The following TMEM191C variants were observed in gnomAD, a reference collection of about 807,000 sequenced individuals.
TMEM191C encodes KB-1323B2.6.
In TMEM191C, 26 loss-of-function variants were observed where a neutral mutation model predicts 37.1. The observed-to-expected ratio is 0.70, with a 90% CI of 0.51 to 0.97. TMEM191C has a LOEUF of 0.97. Ranked by LOEUF, TMEM191C falls within the 50% of genes least tolerant of loss-of-function variation. The pLI is 0.00. For missense variants in TMEM191C, 240 were observed against 294.7 expected, an observed-to-expected ratio of 0.81 and a Z score of 1.36; for synonymous variants, 115 against 143.7, an observed-to-expected ratio of 0.80 and a Z score of 1.43.
chr22:21,469,400 C>T (rs1405113402), intron 8 of TMEM191C, 54 bp downstream of exon 8: 3 of 1,297,504 alleles, frequency 2.3e-6, no homozygotes, highest in East Asian at 6.5e-5. Flanking sequence ...CAACCCTCCC[C>T]GTCCCCCCCG....
At position 21,467,958 on chromosome 22, in the gene TMEM191C, G is replaced by A. The variant is rs1924584244; in HGVS notation, c.220G>A (p.Glu74Lys). ...AGGGGAGGCGCGCGAGGCGGCGCGG[G>A]AGCGCGCGGAGCGGGTGCGCAGAAG... ...LQGEAREAAR[E>K]RAERVRRRLE... is the part of the protein sequence containing the mutation. The change falls in exon 2 of 10, where the codon GAG (glutamate) becomes AAG (lysine). Residue 74 changes from glutamate to lysine, a missense_variant. By Grantham distance (56) the Glu-to-Lys change is moderately conservative. Around this residue, in one of 3 missense-constraint regions of TMEM191C, gnomAD observed 130 missense variants for 105.7 expected, o/e 1.23. Coordinates refer to ENST00000536718, the MANE Select transcript of TMEM191C (RefSeq NM_001388354.1). The A allele has an allele frequency of 1.8e-6, 1 of 559,684 alleles. No homozygotes were observed. The highest frequency in any genetic ancestry group is 1.8e-5 in the South Asian group (1 of 55,170). 34.7% of individuals were successfully genotyped at this position (559,684 alleles called of 1,614,324 possible). A position where few individuals can be genotyped will look rare whatever the true frequency, so the allele number is the denominator to read the frequency against.
rs1226061717 is a variant in TMEM191C at position 21,469,479 on chromosome 22, C to G, written c.664-15C>G. On this transcript the variant is annotated splice_polypyrimidine_tract_variant and intron_variant, in intron 8 of 9. Transcript: ENST00000536718. The stretch of plus-strand genomic sequence containing the variant: ...GGGCGCGGAGGTAGCTGGATGCGGC[C>G]CTCTCTCCCCGCAGGAGACGCGGCT... 1 of 1,348,722 alleles carries G rather than the reference C, an allele frequency of 7.4e-7. No homozygotes were observed. The highest frequency in any genetic ancestry group is 9.5e-7 in the Non-Finnish European group (1 of 1,055,034). The allele number at this position is 1,348,722 out of a possible 1,614,324, so 83.5% of individuals were successfully genotyped here.
intron 3 of TMEM191C, 44 bp downstream of exon 3, chr22:21,468,246 G>A: frequency 6.5e-7 from 1 of 1,533,192 alleles, no homozygotes; most frequent in South Asian, 1.2e-5. Context: ...GTTCCTCTCG[G>A]AAGTCCTGCC....
In TMEM191C at chr22:21,467,408, C is replaced by G; in HGVS notation, c.-52C>G. On this transcript the variant is annotated 5_prime_UTR_variant, in exon 1 of 10. Transcript: ENST00000536718. ...TGCCGCCCATTGTGACGCCTGCCAG[C>G]CGCAGGCTGGGTCCCCGAGGCGGGC... 1 of 456,708 alleles carries G rather than the reference C, an allele frequency of 2.2e-6. No homozygotes were observed. The highest frequency in any genetic ancestry group is 3.7e-6 in the Non-Finnish European group (1 of 271,818). The allele number at this position is 456,708 out of a possible 1,614,324, so 28.3% of individuals were successfully genotyped here. A position where few individuals can be genotyped will look rare whatever the true frequency, so the allele number is the denominator to read the frequency against.
In TMEM191C at chr22:21,467,548, G is replaced by C. The variant is rs764784261; in HGVS notation, c.89G>C (p.Arg30Pro). The change falls in exon 1 of 10, where the codon CGC becomes CCC. Residue 30 changes from arginine to proline, a missense_variant. Physicochemically the swap from Arg to Pro is moderately radical, Grantham distance 103. This residue lies in a region of TMEM191C where 130 missense variants were observed against 105.7 expected (regional missense o/e 1.23). Coordinates refer to ENST00000536718, the MANE Select transcript of TMEM191C (RefSeq NM_001388354.1). ...QRKQELEKLM[R>P]GLEAESESLN... is the part of the protein sequence containing the mutation. ...AAGCAGGAGCTAGAGAAGCTGATGC[G>C]CGGGCTCGAGGCCGAGAGCGAGAGC... 4.1e-6 allele frequency: 6 copies of C among 1,470,824 alleles called. No individual in the cohort carries two copies. The South Asian group carries it at 6.4e-5, about 16-fold the overall frequency. 91.1% of individuals were successfully genotyped at this position (1,470,824 alleles called of 1,614,324 possible). A position where few individuals can be genotyped will look rare whatever the true frequency, so the allele number is the denominator to read the frequency against.
At position 21,467,901 on chromosome 22, in the gene TMEM191C, C is replaced by A. The variant is rs1924579660; in HGVS notation, c.163C>A (p.Arg55=). The stretch of plus-strand genomic sequence containing the variant: ...CTCAGTTTCCCTCTGCAGCCTGCTG[C>A]GGAGGCGAAGCCAGGCAGCGCAGCC... ...DLSERERSLL[R]RRSQAAQPLQ... Residue 55 remains arginine (R), a synonymous_variant, in exon 2 of 10, where the codon CGG becomes AGG. Transcript: ENST00000536718. 2.3e-5 allele frequency: 14 copies of A among 621,440 alleles called. No homozygotes were observed. The South Asian group carries it at 2.3e-4, about 10-fold the overall frequency. The allele number at this position is 621,440 out of a possible 1,614,324, so 38.5% of individuals were successfully genotyped here. A position where few individuals can be genotyped will look rare whatever the true frequency, so the allele number is the denominator to read the frequency against.
At chr22:21,469,559 G>C in intron 9 of TMEM191C, 25 bp downstream of exon 9, 1 of 1,404,946 alleles carries the variant, frequency 7.1e-7, no homozygotes, top group Non-Finnish European at 9.2e-7. Flanking sequence ...GGGCGCGGCC[G>C]CGGTCCCCCA....
chr22:21,469,834 G>A lies in TMEM191C; in HGVS notation c.*13G>A, dbSNP rs1451686827. The A allele has an allele frequency of 2.0e-6, 3 of 1,530,550 alleles. No homozygotes were observed. The highest frequency in any genetic ancestry group is 2.6e-6 in the Non-Finnish European group (3 of 1,145,552). 94.8% of individuals were successfully genotyped at this position (1,530,550 alleles called of 1,614,324 possible). ...TCTGCCAACCTAAGTGCAGCGCCCC[G>A]CGCCTGGCTCCAGGTGGACTCCAGG... is the stretch of plus-strand genomic sequence containing the variant. On this transcript the variant is annotated 3_prime_UTR_variant, in exon 10 of 10. Coordinates refer to ENST00000536718, the MANE Select transcript of TMEM191C (RefSeq NM_001388354.1).
At chr22:21,467,797 C>T (rs1023607449) in intron 1 of TMEM191C, 97 bp from the exon 2 acceptor site, 1 of 479,702 alleles carries the variant, frequency 2.1e-6, no homozygotes, top group African/African-American at 4.1e-5. Flanking sequence ...ACTTCCCAGT[C>T]CTCAATCATG....
At position 21,469,279 on chromosome 22, in the gene TMEM191C, A is replaced by C; in HGVS notation, c.596A>C (p.Asp199Ala). The change falls in exon 8 of 10, where the codon GAC becomes GCC. Residue 199 changes from aspartate to alanine, a missense_variant. Coordinates refer to ENST00000536718, the MANE Select transcript of TMEM191C (RefSeq NM_001388354.1). ...DAWQSGRELC[D>A]GQLRGVQYST... The stretch of plus-strand genomic sequence containing the variant: ...CTGCATGCCTGTCCCCGCAGGTGTG[A>C]CGGGCAGCTTCGCGGAGTGCAGTAC... 1 of 1,461,748 alleles carries C rather than the reference A, an allele frequency of 6.8e-7. No homozygotes were observed. Among genetic ancestry groups the C allele is most frequent in the Non-Finnish European group, 9.0e-7 (1 of 1,115,134 alleles). 90.5% of individuals were successfully genotyped at this position (1,461,748 alleles called of 1,614,324 possible).
intron 2 of TMEM191C, 58 bp downstream of exon 2, chr22:21,468,075 G>A (rs1924591610): frequency 8.5e-7 from 1 of 1,182,358 alleles, no homozygotes; most frequent in African/African-American, 3.0e-5. Context: ...AGGGCGGGCG[G>A]AAGGGGGCAG....
At chr22:21,467,672 C>G in intron 1 of TMEM191C, 58 bp downstream of exon 1, 2 of 1,251,196 alleles carry the variant, frequency 1.6e-6, no homozygotes, top group Non-Finnish European at 2.2e-6. Context: ...CCGCAGGCAG[C>G]GCCGCGAGGT....
Position 21,469,519 on chromosome 22 carries a change from G to C in TMEM191C, c.689G>C (p.Arg230Pro), listed in dbSNP as rs1384658103. 7 of 1,356,596 alleles carry C rather than the reference G, an allele frequency of 5.2e-6. No individual in the cohort carries two copies. The highest frequency in any genetic ancestry group is 6.6e-6 in the Non-Finnish European group (7 of 1,062,290). The allele number at this position is 1,356,596 out of a possible 1,614,324, so 84.0% of individuals were successfully genotyped here. ...DRETRLFGGP[R>P]ALAIRRCVLG... The stretch of plus-strand genomic sequence containing the variant: ...GAGACGCGGCTGTTCGGCGGCCCTC[G>C]CGCGCTGGCCATCAGGTGAGCCGGG... The change falls in exon 9 of 10, where the codon CGC becomes CCC. Residue 230 changes from arginine to proline, a missense_variant. Coordinates refer to ENST00000536718, the MANE Select transcript of TMEM191C (RefSeq NM_001388354.1).
chr22:21,468,426 C>G lies in TMEM191C; in HGVS notation c.403C>G (p.Leu135Val). 1 of 1,527,806 alleles carries G rather than the reference C, an allele frequency of 6.5e-7. No homozygotes were observed. The highest frequency in any genetic ancestry group is 2.5e-5 in the East Asian group (1 of 40,592). 94.6% of individuals were successfully genotyped at this position (1,527,806 alleles called of 1,614,324 possible). ...EQQLAAQLVTLQNELELAETK... is the reference protein window; with the variant it reads ...EQQLAAQLVTVQNELELAETK... The stretch of plus-strand genomic sequence containing the variant: ...GCAACTCGCAGCCCAATTGGTGACG[C>G]TGCAGGTGCTTGAGCGGGACCCTGA... The change falls in exon 4 of 10, where the codon CTG becomes GTG. Residue 135 changes from leucine to valine, a missense_variant. This residue lies in a region of TMEM191C where 34 missense variants were observed against 89.0 expected (regional missense o/e 0.38). Transcript: ENST00000536718.
chr22:21,469,635 G>T lies in TMEM191C; in HGVS notation c.723G>T (p.Ala241=), dbSNP rs1339346366. 1 of 1,482,670 alleles carries T rather than the reference G, an allele frequency of 6.7e-7. No individual in the cohort carries two copies. The highest frequency in any genetic ancestry group is 1.5e-5 in the African/African-American group (1 of 68,140). 91.8% of individuals were successfully genotyped at this position (1,482,670 alleles called of 1,614,324 possible). Residue 241 remains alanine, a synonymous_variant, in exon 10 of 10, where the codon GCG becomes GCT. Coordinates refer to ENST00000536718, the MANE Select transcript of TMEM191C (RefSeq NM_001388354.1). ...ALAIRRCVLG[A]LQVLLTLPLL... ...CCCGCAGGCGGTGCGTGCTGGGCGC[G>T]CTGCAGGTGCTGCTGACGCTGCCGC...
At position 21,468,225 on chromosome 22, in the gene TMEM191C, C is replaced by T. The variant is rs570816937; in HGVS notation, c.330+23C>T. 1.3e-4 allele frequency: 202 copies of T among 1,530,722 alleles called. No homozygotes were observed. In the South Asian group the frequency reaches 2.3e-3, roughly 18 times the overall value. The allele number at this position is 1,530,722 out of a possible 1,614,324, so 94.8% of individuals were successfully genotyped here. ...CAGGTACGTGCAGGAGATGGGAGGGCCTGTCTCTTGGTTCCTCTCGGAAGT... is the reference window on the plus strand; with the variant it reads ...CAGGTACGTGCAGGAGATGGGAGGGTCTGTCTCTTGGTTCCTCTCGGAAGT... On this transcript the variant is annotated intron_variant, in intron 3 of 9. Coordinates refer to ENST00000536718, the MANE Select transcript of TMEM191C (RefSeq NM_001388354.1).
chr22:21,468,275 G>A (rs1378359057), intron 3 of TMEM191C, 73 bp downstream of exon 3: 1 of 1,534,462 alleles, frequency 6.5e-7, no homozygotes, highest in Non-Finnish European at 8.7e-7. Flanking sequence ...CGCCCTTGTT[G>A]CCTCCCCGTC....
In TMEM191C at chr22:21,469,847, G is replaced by A. The variant is rs1001713302; in HGVS notation, c.*26G>A. The A allele has an allele frequency of 6.9e-5, 105 of 1,528,628 alleles. 1 individual carries two copies. The Admixed American group carries it at 2.0e-3, about 29-fold the overall frequency. The allele number at this position is 1,528,628 out of a possible 1,614,324, so 94.7% of individuals were successfully genotyped here. A position where few individuals can be genotyped will look rare whatever the true frequency, so the allele number is the denominator to read the frequency against. On this transcript the variant is annotated 3_prime_UTR_variant, in exon 10 of 10. Coordinates refer to ENST00000536718, the MANE Select transcript of TMEM191C (RefSeq NM_001388354.1). ...GTGCAGCGCCCCGCGCCTGGCTCCAGGTGGACTCCAGGGCACCTGGCTTTA... is the reference window on the plus strand; with the variant it reads ...GTGCAGCGCCCCGCGCCTGGCTCCAAGTGGACTCCAGGGCACCTGGCTTTA...
chr22:21,468,367 G>C lies in TMEM191C; in HGVS notation c.344G>C (p.Gly115Ala). The change falls in exon 4 of 10, where the codon GGA becomes GCA. Residue 115 changes from glycine to alanine, a missense_variant. Transcript: ENST00000536718. ...EELSSQLFYY[G>A]GELQSQKSTE... Reference sequence around the variant, plus strand: ...CCCCGCCCCTAGCTCTTCTACTACGGAGGGGAACTGCAGAGCCAGAAGAGC... The same window carrying C: ...CCCCGCCCCTAGCTCTTCTACTACGCAGGGGAACTGCAGAGCCAGAAGAGC... 6.5e-6 allele frequency: 10 copies of C among 1,535,260 alleles called. No individual in the cohort carries two copies. Among genetic ancestry groups the C allele is most frequent in the Non-Finnish European group, 8.7e-6 (10 of 1,146,704 alleles).
Sources: gnomAD v4.1 joint callset for allele counts on GRCh38, gnomAD v4.1.1 for gene constraint, gnomAD v4.1.1 regional missense constraint, MANE v1.5 for transcripts, NCBI Gene and HGNC (gene_info 2026-07-23, HGNC 2026-07-21) for gene names.